Variants in WASHC2C observed in about 807,000 individuals in gnomAD.
WASHC2C encodes WASH complex subunit 2C.
A neutral mutation model predicts 142.2 loss-of-function variants in WASHC2C; 73 were observed. The observed-to-expected ratio is 0.51, with a 90% CI of 0.43 to 0.62. The LOEUF is 0.62. Among genes scored for constraint, WASHC2C ranks in the 20% least tolerant of loss-of-function variants. WASHC2C has a pLI of 0.00. For missense variants in WASHC2C, 969 were observed against 1,531.7 expected (o/e 0.63, Z 6.13); for synonymous variants, 337 against 565.5 (o/e 0.60, Z 5.73).
chr10:45,782,541 A>ACT (rs1554888332), intron 23 of WASHC2C, among the ~76,000 whole-genome samples: 2 of 150,474 alleles, frequency 1.3e-5, no homozygotes, highest in African/African-American at 4.9e-5. Context: ...ACCACTTTGG[A>ACT]GAACAGTTTG....
chr10:45,728,700 C>T (rs1253058275), intron 2 of WASHC2C, among the ~76,000 whole-genome samples, 162 bp from the exon 3 acceptor site: 1 of 150,804 alleles, frequency 6.6e-6, no homozygotes, highest in African/African-American at 2.4e-5. Flanking sequence ...CACTGTACTC[C>T]AGCCCAGGCA....
chr10:45,743,578 A>G (rs1241368266), intron 6 of WASHC2C, 95 bp downstream of exon 6: 25 of 1,386,814 alleles, frequency 1.8e-5, no homozygotes, highest in Middle Eastern at 2.6e-4. Context: ...GAATAGTTCA[A>G]AGAACTCTCA....
chr10:45,761,767 C>A (rs2055125965), intron 17 of WASHC2C, among the ~76,000 whole-genome samples: 1 of 152,170 alleles, frequency 6.6e-6, no homozygotes, highest in South Asian at 2.1e-4. Context: ...GTGATGTTGA[C>A]ATTTGTTTTT....
chr10:45,744,559 G>A (rs1589653636), intron 6 of WASHC2C, among the ~76,000 whole-genome samples: 1 of 151,692 alleles, frequency 6.6e-6, no homozygotes, highest in South Asian at 2.1e-4. Flanking sequence ...GCCTTTCTTT[G>A]CTTTTTATGA....
chr10:45,753,825 GTTT>G (rs531628513), intron 13 of WASHC2C, among the ~76,000 whole-genome samples: 1 of 137,494 alleles, frequency 7.3e-6, no homozygotes, highest in African/African-American at 2.6e-5. Context: ...ATATAAATAT[GTTT>G]TTTTTTTTTT....
chr10:45,789,570 T>C lies in WASHC2C; in HGVS notation c.3708+79T>C. On this transcript the variant is annotated intron_variant, in intron 29 of 30. Coordinates refer to ENST00000623400, the MANE Select transcript of WASHC2C (RefSeq NM_001330074.2). ...ATTGGCTTATTTGAGCCATAGATTA[T>C]GTCTAGCTTGTTGCGTGCATACCCC... is the stretch of plus-strand genomic sequence containing the variant. The C allele has an allele frequency of 2.5e-6, 4 of 1,591,482 alleles. No homozygotes were observed. The South Asian group carries it at 3.4e-5, about 13-fold the overall frequency.
Position 45,768,252 on chromosome 10 carries a change from AAAAG to A in WASHC2C, c.1870-1191_1870-1188del, listed in dbSNP as rs1296548501. Among the ~76,000 whole-genome samples, 10 of 151,102 alleles carry A rather than the reference AAAAG, an allele frequency of 6.6e-5. No homozygotes were observed. The South Asian group carries it at 8.5e-4, about 13-fold the overall frequency. On this transcript the variant is annotated intron_variant, in intron 19 of 30. Transcript: ENST00000623400. ...GAAAAAGGAAAAAAAAAAAAAAAAAAAAAGAAAGAGAAGACCTAACGAGTGCTGA... is the reference window on the plus strand; with the variant it reads ...GAAAAAGGAAAAAAAAAAAAAAAAAAAAAGAGAAGACCTAACGAGTGCTGA...
chr10:45,771,592 G>C (rs2056596610), intron 20 of WASHC2C: 1 of 977,090 alleles, frequency 1.0e-6, no homozygotes, highest in Non-Finnish European at 1.2e-6. Context: ...GTGGGTCCTG[G>C]TTCCAGCCAC....
intron 19 of WASHC2C, 53 bp downstream of exon 19, chr10:45,765,863 G>C: frequency 6.2e-7 from 1 of 1,604,884 alleles, no homozygotes. Context: ...GGATTTAAGA[G>C]TTAAAGCCAT....
rs1464516206 is a variant in WASHC2C at position 45,779,349 on chromosome 10, C to CA, written c.2478+214_2478+215insA. On this transcript the variant is annotated intron_variant, in intron 23 of 30. Transcript: ENST00000623400. Reference sequence around the variant, plus strand: ...GGATAGGGGATTAGAATTTCACCCCCCTCTTCTGGGATTTACAGACCTTGT... The same window carrying CA: ...GGATAGGGGATTAGAATTTCACCCCCACTCTTCTGGGATTTACAGACCTTGT... Among the ~76,000 whole-genome samples the CA allele has an allele frequency of 3.4e-5, 5 of 146,564 alleles. 1 individual carries two copies. The highest frequency in any genetic ancestry group is 2.7e-4 in the Admixed American group (4 of 14,744).
intron 11 of WASHC2C, 24 bp downstream of exon 11, chr10:45,751,577 T>G (rs1179937109): frequency 8.8e-7 from 1 of 1,136,712 alleles, no homozygotes; most frequent in African/African-American, 1.6e-5. Flanking sequence ...CTCAATTCTG[T>G]TATTTTAGGA....
intron 20 of WASHC2C, among the ~76,000 whole-genome samples, chr10:45,772,197 A>G (rs1218231200): frequency 2.0e-5 from 3 of 151,988 alleles, no homozygotes; most frequent in Non-Finnish European, 2.9e-5. Flanking sequence ...TAGATAAACC[A>G]CAGAGACAGA....
chr10:45,761,112 G>A (rs1361983778), intron 17 of WASHC2C, among the ~76,000 whole-genome samples: 4 of 151,768 alleles, frequency 2.6e-5, no homozygotes, highest in African/African-American at 9.7e-5. Context: ...GGCTTAGCTA[G>A]GCCGTTGTCA....
intron 27 of WASHC2C, 42 bp from the exon 28 acceptor site, chr10:45,786,993 T>C (rs1554890458): frequency 3.7e-6 from 6 of 1,605,832 alleles, no homozygotes; most frequent in Non-Finnish European, 5.1e-6. Context: ...AATAGACTGC[T>C]GTGTTGAAGA....
rs782499982 is a variant in WASHC2C, at chr10:45,786,651, T to G, written c.2851T>G (p.Ser951Ala). Residue 951 changes from serine to alanine, a missense_variant, in exon 27 of 31, where the codon TCC becomes GCC. Coordinates refer to ENST00000623400, the MANE Select transcript of WASHC2C (RefSeq NM_001330074.2). ...GLAPFKTKEP[S>A]TRIGKIQANL... ...CGCTCCATTTAAAACCAAAGAACCATCCACTCGGATCGGGAAGATACAAGT... is the reference window on the plus strand; with the variant it reads ...CGCTCCATTTAAAACCAAAGAACCAGCCACTCGGATCGGGAAGATACAAGT... 4 of 1,611,856 alleles carry G rather than the reference T, an allele frequency of 2.5e-6. No homozygotes were observed. The highest frequency in any genetic ancestry group is 2.5e-6 in the Non-Finnish European group (3 of 1,179,738).
chr10:45,749,836 A>AAAAAAAAAATAT lies in WASHC2C; in HGVS notation c.733-259_733-258insAAAAAAAATATA, dbSNP rs1227809519. On this transcript the variant is annotated intron_variant, in intron 8 of 30. Transcript: ENST00000623400. ...GCAAGACTCCATCTCAAAAAAAAAA[A>AAAAAAAAAATAT]ATATATATATATATATATATTTATA... Among the ~76,000 whole-genome samples, 110 of 101,742 alleles carry AAAAAAAAAATAT rather than the reference A, an allele frequency of 1.1e-3. No homozygotes were observed. In the East Asian group the frequency reaches 0.011, roughly 10 times the overall value. 66.7% of individuals were successfully genotyped at this position (101,742 alleles called of 152,430 possible). A position where few individuals can be genotyped will look rare whatever the true frequency, so the allele number is the denominator to read the frequency against.
At chr10:45,789,698 G>T (rs2058280915) in intron 29 of WASHC2C, among the ~76,000 whole-genome samples, 1 of 152,170 alleles carries the variant, frequency 6.6e-6, no homozygotes, top group African/African-American at 2.4e-5. Context: ...TGTATTTCTT[G>T]GCTGGCCATG....
Position 45,789,270 on chromosome 10 carries a change from G to A in WASHC2C, c.3487G>A (p.Val1163Met). 2.5e-6 allele frequency: 4 copies of A among 1,612,080 alleles called. No individual in the cohort carries two copies. The East Asian group carries it at 8.9e-5, about 36-fold the overall frequency. The change falls in exon 29 of 31, where the codon GTG becomes ATG. Residue 1163 changes from valine to methionine, a missense_variant. Transcript: ENST00000623400. The stretch of plus-strand genomic sequence containing the variant: ...AGCAGAGAATCCTGCCAACCCACCA[G>A]TGGGTGGTAAAGCAAAGAGCCCCAT... ...KIAENPANPP[V>M]GGKAKSPMFP...
chr10:45,728,383 T>G (rs2050155348), intron 2 of WASHC2C, among the ~76,000 whole-genome samples: 1 of 152,174 alleles, frequency 6.6e-6, no homozygotes, highest in African/African-American at 2.4e-5. Context: ...ATTAGCTCAC[T>G]GCCACTCTTT....
Sources: allele counts gnomAD v4.1 joint callset (sites outside exome capture counted in the v4.1 genomes callset), GRCh38; gene constraint gnomAD v4.1.1; transcripts MANE v1.5; gene names NCBI Gene and HGNC (gene_info 2026-07-23, HGNC 2026-07-21).